Variants in COX10 observed in about 807,000 individuals in gnomAD.
The protein encoded by COX10 is cytochrome c oxidase assembly factor heme A:farnesyltransferase COX10.
In COX10, 27 loss-of-function variants were observed where a neutral mutation model predicts 37.3. The ratio of observed to expected loss-of-function variants is 0.72; its 90% CI spans 0.53 to 1.00. The LOEUF is 1.00. Among genes scored for constraint, COX10 ranks in the 50% least tolerant of loss-of-function variants. The probability of loss-of-function intolerance (pLI) is 0.00; values close to 1 mark genes in which losing one functional copy is unlikely to be tolerated. For missense variants in COX10, 475 were observed against 563.2 expected (o/e 0.84, Z 1.59); for synonymous variants, 222 against 229.1 (o/e 0.97, Z 0.28).
chr17:14,138,475 G>A (rs949025036), intron 4 of COX10, among the ~76,000 whole-genome samples: 4 of 152,032 alleles, frequency 2.6e-5, no homozygotes, highest in African/African-American at 9.7e-5. Flanking sequence ...TCCTCCTAAT[G>A]GCAACCACTG....
Position 14,187,702 on chromosome 17 carries a change from A to G in COX10, c.696-4287A>G, listed in dbSNP as rs192607630. 8.6e-3 allele frequency among the ~76,000 whole-genome samples: 1,308 copies of G among 152,346 alleles called. 16 individuals are homozygous for G. The highest frequency in any genetic ancestry group is 0.03 in the African/African-American group (1,228 of 41,570). ...CATAACAGGAAAATAAATTTCACAC[A>G]GTTTGCATTTGGAGTACCTTTGCCC... is the stretch of plus-strand genomic sequence containing the variant. On this transcript the variant is annotated intron_variant, in intron 5 of 6. Transcript: ENST00000261643.
chr17:14,165,765 T>C (rs2142243718), intron 5 of COX10, among the ~76,000 whole-genome samples: 1 of 152,318 alleles, frequency 6.6e-6, no homozygotes, highest in Middle Eastern at 3.4e-3. Flanking sequence ...ATGTTGTGAA[T>C]GTAAAGGACA....
chr17:14,089,375 G>A (rs936723005), intron 3 of COX10, among the ~76,000 whole-genome samples: 1 of 152,200 alleles, frequency 6.6e-6, no homozygotes, highest in African/African-American at 2.4e-5. Context: ...TACTGATCTG[G>A]CAGCAGTTTC....
chr17:14,082,377 T>A (rs1414575904), intron 3 of COX10, among the ~76,000 whole-genome samples: 4 of 152,214 alleles, frequency 2.6e-5, no homozygotes, highest in Non-Finnish European at 5.9e-5. Flanking sequence ...GAAGTCAGTG[T>A]TGACTGGTTG....
chr17:14,183,041 A>G (rs1222717506), intron 5 of COX10, among the ~76,000 whole-genome samples: 1 of 150,974 alleles, frequency 6.6e-6, no homozygotes, highest in East Asian at 1.9e-4. Flanking sequence ...TTATATTTAA[A>G]AAGGAGAAAA....
chr17:14,133,935 A>G (rs1916521143), intron 4 of COX10, among the ~76,000 whole-genome samples: 1 of 151,610 alleles, frequency 6.6e-6, no homozygotes, highest in Admixed American at 6.6e-5. Flanking sequence ...TTTTTTTAAA[A>G]TTTGTTTAAT....
At chr17:14,156,025 G>A (rs536014258) in intron 4 of COX10, among the ~76,000 whole-genome samples, 36 of 152,260 alleles carry the variant, frequency 2.4e-4, no homozygotes, top group Admixed American at 5.9e-4. Flanking sequence ...TACCTCTGGA[G>A]CTTCATCACC....
At chr17:14,131,828 G>A (rs1207618646) in intron 4 of COX10, among the ~76,000 whole-genome samples, 1 of 151,912 alleles carries the variant, frequency 6.6e-6, no homozygotes, top group Middle Eastern at 3.2e-3. Flanking sequence ...TGCCTGGAAA[G>A]GAATTGTGTA....
intron 5 of COX10, among the ~76,000 whole-genome samples, chr17:14,168,911 C>T (rs1426857404): frequency 1.3e-5 from 2 of 152,220 alleles, no homozygotes. Flanking sequence ...TAACATTATG[C>T]TCTTCATTAC....
At chr17:14,146,191 G>A (rs1348839276) in intron 4 of COX10, among the ~76,000 whole-genome samples, 2 of 151,918 alleles carry the variant, frequency 1.3e-5, no homozygotes, top group African/African-American at 4.8e-5. Context: ...AAAACTAGAG[G>A]AATCACATTA....
intron 4 of COX10, among the ~76,000 whole-genome samples, chr17:14,136,055 A>G (rs143081247): frequency 1.3e-3 from 196 of 152,142 alleles, no homozygotes; most frequent in African/African-American, 4.4e-3. Context: ...GGCATCAAAC[A>G]AAACAAAGAA....
chr17:14,171,259 A>G (rs1017921857), intron 5 of COX10, among the ~76,000 whole-genome samples: 1 of 152,358 alleles, frequency 6.6e-6, no homozygotes, highest in Admixed American at 6.5e-5. Flanking sequence ...GAGGTAAATA[A>G]CATGGTCTTC....
chr17:14,133,937 T>C (rs1030780722), intron 4 of COX10, among the ~76,000 whole-genome samples: 8 of 151,644 alleles, frequency 5.3e-5, no homozygotes, highest in African/African-American at 1.9e-4. Context: ...TTTTTAAAAT[T>C]TGTTTAATAT....
chr17:14,167,544 A>G (rs1337319027), intron 5 of COX10, among the ~76,000 whole-genome samples: 1 of 152,190 alleles, frequency 6.6e-6, no homozygotes, highest in Non-Finnish European at 1.5e-5. Flanking sequence ...GCACTGATAT[A>G]AAGAACTACC....
At chr17:14,125,675 T>G (rs943483548) in intron 4 of COX10, among the ~76,000 whole-genome samples, 1 of 152,140 alleles carries the variant, frequency 6.6e-6, no homozygotes, top group African/African-American at 2.4e-5. Context: ...CGGCTAATGT[T>G]CTGGGTAGTA....
At chr17:14,156,471 G>C (rs141007603) in intron 4 of COX10, among the ~76,000 whole-genome samples, 1 of 151,848 alleles carries the variant, frequency 6.6e-6, no homozygotes, top group African/African-American at 2.4e-5. Flanking sequence ...CTCGTGATCC[G>C]CCCCCCTTGG....
In COX10 at chr17:14,207,317, A is replaced by G; in HGVS notation, c.*104A>G. The G allele has an allele frequency of 2.2e-6, 3 of 1,383,216 alleles. No individual in the cohort carries two copies. Among genetic ancestry groups the G allele is most frequent in the African/African-American group, 2.9e-5 (2 of 68,632 alleles). 85.7% of individuals were successfully genotyped at this position (1,383,216 alleles called of 1,614,324 possible). ...AAATTGCTGGGTTTAGAACAAGATTATAAACGAATTCGGTGCTCAGTGATC... is the reference window on the plus strand; with the variant it reads ...AAATTGCTGGGTTTAGAACAAGATTGTAAACGAATTCGGTGCTCAGTGATC... On this transcript the variant is annotated 3_prime_UTR_variant, in exon 7 of 7. Transcript: ENST00000261643.
intron 4 of COX10, 87 bp from the exon 5 acceptor site, chr17:14,159,790 A>G (rs1905134357): frequency 1.0e-6 from 1 of 979,288 alleles, no homozygotes; most frequent in African/African-American, 1.6e-5. Context: ...AATGAAGTTT[A>G]CTACAGAAAA....
chr17:14,073,317 TTGA>T (rs1915070359), intron 1 of COX10, among the ~76,000 whole-genome samples: 2 of 152,174 alleles, frequency 1.3e-5, no homozygotes, highest in African/African-American at 4.8e-5. Context: ...TAGATTGGAC[TTGA>T]TGATTGTTAA....
Sources: allele counts gnomAD v4.1 joint callset (sites outside exome capture counted in the v4.1 genomes callset), GRCh38; gene constraint gnomAD v4.1.1; transcripts MANE v1.5; gene names NCBI Gene and HGNC (gene_info 2026-07-23, HGNC 2026-07-21).